The following SOX5 variants were observed in gnomAD, a reference collection of about 807,000 sequenced individuals.
SOX5 encodes SRY-box transcription factor 5.
SOX5 carries 9 observed loss-of-function variants against 92.0 expected under a neutral mutation model. The observed-to-expected ratio is 0.10, with a 90% confidence interval of 0.06 to 0.17. The LOEUF (loss-of-function observed/expected upper bound fraction) is 0.17, where lower values mean the gene tolerates loss of function less well. Ranked by LOEUF, SOX5 falls within the 10% of genes least tolerant of loss-of-function variation. The pLI is 1.00. For missense variants in SOX5, 642 were observed against 944.5 expected (o/e 0.68, Z 4.20); for synonymous variants, 344 against 336.3 (o/e 1.02, Z -0.25).
intron 3 of SOX5, among the ~76,000 whole-genome samples, chr12:23,838,605 T>C (rs1044744142): frequency 1.5e-4 from 23 of 152,112 alleles, no homozygotes; most frequent in Non-Finnish European, 2.8e-4. Context: ...TCTCTTTGTC[T>C]TTATTTACCA....
intron 2 of SOX5, among the ~76,000 whole-genome samples, chr12:24,307,808 G>T (rs1036148430): frequency 2.6e-4 from 40 of 151,470 alleles, no homozygotes; most frequent in South Asian, 2.1e-4. Flanking sequence ...GGGAAGGAAG[G>T]AAGTTAGTTT....
intron 1 of SOX5, among the ~76,000 whole-genome samples, chr12:24,407,206 C>T (rs889543417): frequency 6.6e-6 from 1 of 152,084 alleles, no homozygotes; most frequent in Admixed American, 6.6e-5. Context: ...AGAAGGAGAA[C>T]AGAAGATCCT....
intron 1 of SOX5, among the ~76,000 whole-genome samples, chr12:24,548,186 G>A (rs1952828854): frequency 6.6e-6 from 1 of 152,224 alleles, no homozygotes; most frequent in Non-Finnish European, 1.5e-5. Flanking sequence ...CAAAATAGCA[G>A]TGTTAATATT....
intron 1 of SOX5, among the ~76,000 whole-genome samples, chr12:23,913,628 C>T (rs553856044): frequency 6.6e-6 from 1 of 151,558 alleles, no homozygotes; most frequent in South Asian, 2.1e-4. Context: ...TCCAGCTACT[C>T]AAGAGGCTAA....
In SOX5 at chr12:23,533,993, T is replaced by C. The variant is rs1260339573; in HGVS notation, c.*226A>G. 1.5e-5 allele frequency: 7 copies of C among 457,948 alleles called. No individual in the cohort carries two copies. Among genetic ancestry groups the C allele is most frequent in the South Asian group, 3.4e-5 (1 of 29,372 alleles). The allele number at this position is 457,948 out of a possible 1,614,324, so 28.4% of individuals were successfully genotyped here. On this transcript the variant is annotated 3_prime_UTR_variant, in exon 15 of 15. Coordinates refer to ENST00000451604, the MANE Select transcript of SOX5 (RefSeq NM_006940.6). ...CTGGCATTATTTTACCCATAGCTTA[T>C]TTCAATCTCTTGTTGTTGATATTGT...
intron 4 of SOX5, among the ~76,000 whole-genome samples, chr12:24,087,025 AC>A (rs1209405837): frequency 6.6e-6 from 1 of 152,084 alleles, no homozygotes; most frequent in Non-Finnish European, 1.5e-5. Context: ...ACTTAGAGTG[AC>A]CTTTTTCTAA....
At chr12:24,011,488 T>C (rs541769127) in intron 4 of SOX5, among the ~76,000 whole-genome samples, 13 of 152,348 alleles carry the variant, frequency 8.5e-5, no homozygotes, top group African/African-American at 2.9e-4. Context: ...CTATTCTTTC[T>C]TTTTACTTTC....
intron 4 of SOX5, among the ~76,000 whole-genome samples, chr12:24,134,156 C>T (rs973383519): frequency 1.3e-5 from 2 of 151,744 alleles, no homozygotes; most frequent in African/African-American, 4.8e-5. Context: ...TAAATTGAGA[C>T]AAACAATATA....
intron 1 of SOX5, among the ~76,000 whole-genome samples, chr12:24,455,732 C>G (rs1942936043): frequency 1.3e-5 from 2 of 152,176 alleles, no homozygotes; most frequent in Admixed American, 1.3e-4. Flanking sequence ...ACTTTCTAGA[C>G]TCACTCAGTA....
At chr12:23,976,106 A>C (rs1274698079) in intron 4 of SOX5, among the ~76,000 whole-genome samples, 2 of 152,126 alleles carry the variant, frequency 1.3e-5, no homozygotes, top group Non-Finnish European at 2.9e-5. Context: ...TTAAAAATAA[A>C]AGTTGAATAA....
At chr12:24,220,419 G>A (rs1249728272) in intron 3 of SOX5, among the ~76,000 whole-genome samples, 7 of 149,428 alleles carry the variant, frequency 4.7e-5, no homozygotes. Flanking sequence ...AATATGCAAC[G>A]TTACAGTGCT....
chr12:24,457,061 CAA>C (rs1269124595), intron 1 of SOX5, among the ~76,000 whole-genome samples: 1 of 152,144 alleles, frequency 6.6e-6, no homozygotes, highest in African/African-American at 2.4e-5. Flanking sequence ...AGATAGGAAG[CAA>C]AAGTTATTTA....
intron 4 of SOX5, among the ~76,000 whole-genome samples, chr12:24,066,906 C>T (rs996110709): frequency 5.9e-5 from 9 of 152,166 alleles, no homozygotes; most frequent in Non-Finnish European, 7.3e-5. Flanking sequence ...GCCATCTTTT[C>T]GAGAGAACTA....
chr12:23,696,246 T>A (rs965695138), intron 6 of SOX5, among the ~76,000 whole-genome samples: 2 of 152,024 alleles, frequency 1.3e-5, no homozygotes, highest in Non-Finnish European at 2.9e-5. Context: ...AATGAAACCA[T>A]CTGGGCCTGG....
chr12:24,004,103 C>T (rs907120405), intron 4 of SOX5, among the ~76,000 whole-genome samples: 1 of 151,426 alleles, frequency 6.6e-6, no homozygotes, highest in African/African-American at 2.4e-5. Flanking sequence ...ATCCATGAGC[C>T]AAAAGATAAA....
chr12:24,295,072 G>A (rs948973558), intron 2 of SOX5, among the ~76,000 whole-genome samples: 18 of 150,596 alleles, frequency 1.2e-4, no homozygotes, highest in Admixed American at 1.1e-3. Flanking sequence ...TATATAGAAC[G>A]TATTTATCAT....
rs200030119 is a variant in SOX5 at position 24,058,313 on chromosome 12, T to TA, written c.-2+155029dup. ...CACAATATTTTTTGTAGTTGTAGTTTAAAAAAAAAATTCTCTTTCACACAA... is the reference window on the plus strand; with the variant it reads ...CACAATATTTTTTGTAGTTGTAGTTTAAAAAAAAAAATTCTCTTTCACACAA... On this transcript the variant is annotated intron_variant, in intron 4 of 4. Transcript: ENST00000446891. Among the ~76,000 whole-genome samples the TA allele has an allele frequency of 2.7e-3, 410 of 151,372 alleles. 1 individual carries two copies. Among genetic ancestry groups the TA allele is most frequent in the African/African-American group, 8.9e-3 (367 of 41,324 alleles).
rs186859187 is a variant in SOX5 at position 24,314,842 on chromosome 12, C to T, written c.-173-37530G>A. 2.7e-3 allele frequency among the ~76,000 whole-genome samples: 408 copies of T among 152,290 alleles called. 4 individuals carry two copies. The highest frequency in any genetic ancestry group is 3.7e-3 in the Non-Finnish European group (252 of 68,024). ...GGCAGGGATGTCTCTTTGCTTTGTTCCTCATTATATCCTTGGTACACAGAA... is the reference window on the plus strand; with the variant it reads ...GGCAGGGATGTCTCTTTGCTTTGTTTCTCATTATATCCTTGGTACACAGAA... On this transcript the variant is annotated intron_variant, in intron 2 of 4. Transcript: ENST00000446891.
chr12:24,312,408 C>CAA (rs1467840772), intron 2 of SOX5, among the ~76,000 whole-genome samples: 1 of 152,202 alleles, frequency 6.6e-6, no homozygotes, highest in Admixed American at 6.5e-5. Context: ...GGTCCTACAT[C>CAA]AAGCTTTTGA....
Sources: allele counts gnomAD v4.1 joint callset (sites outside exome capture counted in the v4.1 genomes callset), GRCh38; gene constraint gnomAD v4.1.1; transcripts MANE v1.5; gene names NCBI Gene and HGNC (gene_info 2026-07-23, HGNC 2026-07-21).